The following APBB1IP variants were observed in gnomAD, a reference collection of about 807,000 sequenced individuals.
APBB1IP encodes amyloid beta A4 precursor protein-binding family B member 1-interacting protein.
In APBB1IP, 27 loss-of-function variants were observed where a neutral mutation model predicts 64.9. The observed-to-expected ratio is 0.42, with a 90% CI of 0.31 to 0.57. The LOEUF (loss-of-function observed/expected upper bound fraction) is 0.57, where lower values mean the gene tolerates loss of function less well. APBB1IP is among the 20% of genes least tolerant of loss of function. The pLI, the probability that APBB1IP is intolerant of heterozygous loss-of-function variation, is 0.20. For missense variants in APBB1IP, 812 were observed against 845.5 expected (o/e 0.96, Z 0.49); for synonymous variants, 392 against 331.0 (o/e 1.18, Z -2.00).
At chr10:26,491,382 G>A (rs932900803) in intron 2 of APBB1IP, among the ~76,000 whole-genome samples, 1 of 152,142 alleles carries the variant, frequency 6.6e-6, no homozygotes, top group Non-Finnish European at 1.5e-5. Flanking sequence ...GATTACCTTT[G>A]CCAAACTACA....
At chr10:26,474,524 G>A (rs1588575853) in intron 2 of APBB1IP, among the ~76,000 whole-genome samples, 1 of 152,168 alleles carries the variant, frequency 6.6e-6, no homozygotes, top group African/African-American at 2.4e-5. Context: ...AATAACTGAG[G>A]TAAAGCATTT....
chr10:26,547,321 T>C (rs1227207869), intron 11 of APBB1IP, among the ~76,000 whole-genome samples: 1 of 152,232 alleles, frequency 6.6e-6, no homozygotes, highest in East Asian at 1.9e-4. Flanking sequence ...AATGTATAAT[T>C]TGCAAATATT....
chr10:26,543,359 G>A (rs988728867), intron 11 of APBB1IP, among the ~76,000 whole-genome samples: 13 of 151,728 alleles, frequency 8.6e-5, no homozygotes, highest in Admixed American at 1.3e-4. Context: ...CCCGCTACTT[G>A]GGGGGCTTGA....
intron 2 of APBB1IP, among the ~76,000 whole-genome samples, chr10:26,446,588 A>G (rs1053448024): frequency 5.3e-5 from 8 of 152,166 alleles, no homozygotes; most frequent in African/African-American, 1.9e-4. Flanking sequence ...ACTGAAACAC[A>G]CACTTCAGCT....
At chr10:26,487,731 G>C (rs1449239834) in intron 2 of APBB1IP, among the ~76,000 whole-genome samples, 1 of 152,182 alleles carries the variant, frequency 6.6e-6, no homozygotes, top group East Asian at 1.9e-4. Context: ...GGTGTGCACA[G>C]CCTGAGAAAC....
chr10:26,488,500 T>G (rs1268283162), intron 2 of APBB1IP, among the ~76,000 whole-genome samples: 1 of 152,188 alleles, frequency 6.6e-6, no homozygotes, highest in East Asian at 1.9e-4. Flanking sequence ...CCCAAAGTGC[T>G]GGGATAACAG....
intron 2 of APBB1IP, among the ~76,000 whole-genome samples, chr10:26,454,448 T>C (rs988567783): frequency 1.3e-5 from 2 of 151,810 alleles, no homozygotes; most frequent in East Asian, 3.9e-4. Flanking sequence ...ATCGTGCCAC[T>C]GCACTCCAGC....
intron 3 of APBB1IP, among the ~76,000 whole-genome samples, chr10:26,493,269 AC>A (rs1835979954): frequency 1.3e-5 from 2 of 152,194 alleles, no homozygotes; most frequent in Non-Finnish European, 2.9e-5. Context: ...TGATTTACGA[AC>A]AATTTGTGCA....
rs1312903839 is a variant in APBB1IP, at chr10:26,465,057, C to A, written c.-1+26204C>A. 2.6e-5 allele frequency among the ~76,000 whole-genome samples: 4 copies of A among 152,202 alleles called. No homozygotes were observed. The East Asian group carries it at 7.7e-4, about 29-fold the overall frequency. The stretch of plus-strand genomic sequence containing the variant: ...ACATTATTTCCATTTTAGACATGTG[C>A]TTTCTCGCACAGCTGTAAGAGAGAA... On this transcript the variant is annotated intron_variant, in intron 2 of 14. Transcript: ENST00000376236.
intron 8 of APBB1IP, among the ~76,000 whole-genome samples, chr10:26,525,833 C>A (rs1836467393): frequency 6.6e-6 from 1 of 152,074 alleles, no homozygotes; most frequent in Non-Finnish European, 1.5e-5. Context: ...GATTGCAGGA[C>A]AAAACTGTAT....
At position 26,567,678 on chromosome 10, in the gene APBB1IP, C is replaced by T. The variant is rs987981928; in HGVS notation, c.*190C>T. On this transcript the variant is annotated 3_prime_UTR_variant, in exon 15 of 15. Transcript: ENST00000376236. The stretch of plus-strand genomic sequence containing the variant: ...AGAATATCTGCCCAAATGTACATAT[C>T]GTTCCCATGTATTTTAACCTAAATG... 3.1e-6 allele frequency: 4 copies of T among 1,299,394 alleles called. No individual in the cohort carries two copies. Among genetic ancestry groups the T allele is most frequent in the Non-Finnish European group, 4.0e-6 (4 of 1,002,838 alleles). 80.5% of individuals were successfully genotyped at this position (1,299,394 alleles called of 1,614,324 possible). A position where few individuals can be genotyped will look rare whatever the true frequency, so the allele number is the denominator to read the frequency against.
chr10:26,540,000 G>A (rs1233632526), intron 10 of APBB1IP, among the ~76,000 whole-genome samples: 3 of 152,112 alleles, frequency 2.0e-5, no homozygotes, highest in African/African-American at 7.2e-5. Context: ...AACTCATACG[G>A]CCAAACTGGG....
intron 2 of APBB1IP, among the ~76,000 whole-genome samples, chr10:26,443,407 C>T (rs1015667055): frequency 7.9e-6 from 1 of 125,916 alleles, no homozygotes; most frequent in Non-Finnish European, 1.7e-5. Context: ...TTGGGCAACT[C>T]TATCTCAAAA....
intron 11 of APBB1IP, among the ~76,000 whole-genome samples, chr10:26,550,692 A>G (rs1231257076): frequency 1.3e-5 from 2 of 152,068 alleles, no homozygotes; most frequent in East Asian, 3.9e-4. Flanking sequence ...GTTTTGTTAT[A>G]ACAGCTATTT....
chr10:26,471,676 T>C (rs541782613), intron 2 of APBB1IP, among the ~76,000 whole-genome samples: 2 of 152,026 alleles, frequency 1.3e-5, no homozygotes, highest in African/African-American at 4.8e-5. Flanking sequence ...GGACCTGCAC[T>C]GTTTAAGCTT....
At chr10:26,465,192 A>G (rs771436359) in intron 2 of APBB1IP, among the ~76,000 whole-genome samples, 7 of 152,246 alleles carry the variant, frequency 4.6e-5, no homozygotes, top group Non-Finnish European at 8.8e-5. Context: ...AAAACTACCC[A>G]TAGGAAAGTG....
chr10:26,476,908 C>A (rs1835783308), intron 2 of APBB1IP, among the ~76,000 whole-genome samples: 2 of 152,162 alleles, frequency 1.3e-5, no homozygotes, highest in African/African-American at 2.4e-5. Flanking sequence ...TCAAGAGATT[C>A]TCCTGCCTCA....
At chr10:26,483,697 T>C (rs1328850850) in intron 2 of APBB1IP, among the ~76,000 whole-genome samples, 1 of 152,182 alleles carries the variant, frequency 6.6e-6, no homozygotes, top group Non-Finnish European at 1.5e-5. Context: ...TTATACCTCC[T>C]CTGTTGTTTC....
intron 2 of APBB1IP, among the ~76,000 whole-genome samples, chr10:26,476,323 T>C (rs1341438824): frequency 2.0e-5 from 3 of 151,472 alleles, no homozygotes; most frequent in Middle Eastern, 3.2e-3. Flanking sequence ...GGTGTGCACC[T>C]GTAGTCCCAG....
Sources: gnomAD v4.1 joint callset for allele counts (sites outside exome capture counted in the v4.1 genomes callset) on GRCh38, gnomAD v4.1.1 for gene constraint, MANE v1.5 for transcripts, NCBI Gene and HGNC (gene_info 2026-07-23, HGNC 2026-07-21) for gene names.